The following STIL variants were observed in gnomAD, a reference collection of about 807,000 sequenced individuals.
The protein encoded by STIL is STIL centriolar assembly protein.
STIL carries 55 observed loss-of-function variants against 110.1 expected under a neutral mutation model. The observed-to-expected ratio is 0.50, with a 90% confidence interval of 0.40 to 0.63. The LOEUF is 0.63. Ranked by LOEUF, STIL falls within the 20% of genes least tolerant of loss-of-function variation. STIL has a pLI of 0.00. For missense variants in STIL, 1,358 were observed against 1,530.0 expected (o/e 0.89, Z 1.87); for synonymous variants, 481 against 530.0 (o/e 0.91, Z 1.27).
chr1:47,259,582 C>T (rs114334472), intron 16 of STIL, among the ~76,000 whole-genome samples: 1,695 of 152,238 alleles, frequency 0.011, 11 homozygotes, highest in Admixed American at 0.017. Flanking sequence ...AGCCACCGCG[C>T]CCGGCCTAAG....
rs902057233 is a variant in STIL, at chr1:47,269,038, C to A, written c.2615+597G>T. Among the ~76,000 whole-genome samples, 7 of 151,192 alleles carry A rather than the reference C, an allele frequency of 4.6e-5. No individual in the cohort carries two copies. The South Asian group carries it at 6.3e-4, about 14-fold the overall frequency. On this transcript the variant is annotated intron_variant, in intron 14 of 16. Transcript: ENST00000371877. ...CCCGGGAGGTGGAGATTGCAGTGAG[C>A]CGAGATTGCACCACTGCACTCCAGC... is the stretch of plus-strand genomic sequence containing the variant.
At position 47,280,422 on chromosome 1, in the gene STIL, T is replaced by C. The variant is rs1645123412; in HGVS notation, c.2036A>G (p.Asn679Ser). ...GDMGSCSPHS[N>S]IEPSPVARPP... ...TCTTGCCACAGGCGATGGTTCAATA[T>C]TGCTGTGGGGAGAACAACTGCCCAT... The change falls in exon 12 of 17, where the codon AAT becomes AGT. Residue 679 changes from asparagine (N) to serine (S), a missense_variant. Transcript: ENST00000371877. 17 of 1,614,208 alleles carry C rather than the reference T, an allele frequency of 1.1e-5. No individual in the cohort carries two copies. The highest frequency in any genetic ancestry group is 1.0e-5 in the Non-Finnish European group (12 of 1,180,034).
At chr1:47,257,969 A>C (rs1260741308) in intron 16 of STIL, among the ~76,000 whole-genome samples, 2 of 152,128 alleles carry the variant, frequency 1.3e-5, no homozygotes, top group Non-Finnish European at 2.9e-5. Context: ...AATAATACTT[A>C]CTCTTTCAGA....
At chr1:47,291,882 G>C (rs1570223203) in intron 8 of STIL, among the ~76,000 whole-genome samples, 1 of 151,694 alleles carries the variant, frequency 6.6e-6, no homozygotes, top group East Asian at 1.9e-4. Context: ...ATTTTTTTAA[G>C]ACAGGGTCTG....
intron 14 of STIL, among the ~76,000 whole-genome samples, chr1:47,269,394 C>T (rs991829103): frequency 6.6e-6 from 1 of 151,954 alleles, no homozygotes; most frequent in African/African-American, 2.4e-5. Context: ...AACAGAACAG[C>T]AACTGTAATG....
Position 47,314,085 on chromosome 1 carries a change from G to A in STIL, c.-93C>T, listed in dbSNP as rs1646220194. 6.6e-6 allele frequency: 1 copy of A among 152,244 alleles called. No individual in the cohort carries two copies. Among genetic ancestry groups the A allele is most frequent in the South Asian group, 2.1e-4 (1 of 4,838 alleles). The allele number at this position is 152,244 out of a possible 1,614,324, so 9.4% of individuals were successfully genotyped here. A position where few individuals can be genotyped will look rare whatever the true frequency, so the allele number is the denominator to read the frequency against. ...TGTTTGCAGGGTAGGAGCGGGAGCC[G>A]GCTCCAAGGAGCGCCACCGCCGACT... On this transcript the variant is annotated 5_prime_UTR_variant, in exon 1 of 17. Transcript: ENST00000371877.
intron 16 of STIL, among the ~76,000 whole-genome samples, chr1:47,256,991 A>G: frequency 6.6e-6 from 1 of 152,060 alleles, no homozygotes; most frequent in East Asian, 1.9e-4. Context: ...AGTACAAAAC[A>G]TCAATACACT....
At chr1:47,299,783 T>G (rs1645749595) in intron 6 of STIL, 122 bp downstream of exon 6, 2 of 1,060,124 alleles carry the variant, frequency 1.9e-6, no homozygotes, top group Non-Finnish European at 2.7e-6. Flanking sequence ...CTTTCCCTGG[T>G]TATTAACCAA....
Position 47,268,707 on chromosome 1 carries a change from A to C in STIL, c.2615+928T>G, listed in dbSNP as rs528849020. ...CAGGAGGCAGGGATTGCAGTGAGTC[A>C]AGATCGCACCATTGCACTCTAGACT... On this transcript the variant is annotated intron_variant, in intron 14 of 16. Transcript: ENST00000371877. Among the ~76,000 whole-genome samples, 9 of 152,018 alleles carry C rather than the reference A, an allele frequency of 5.9e-5. No homozygotes were observed. The South Asian group carries it at 1.9e-3, about 32-fold the overall frequency.
Position 47,287,574 on chromosome 1 carries a change from A to G in STIL, c.1110T>C (p.Ala370=). ...QNAETEFFSK[A]SKNFSIKRSS... ...ACCTCTTAATTGAAAAATTCTTGGA[A>G]GCCTTACTGAAAAACTCTGTTTCTG... is the stretch of plus-strand genomic sequence containing the variant. Residue 370 remains alanine (A), a synonymous_variant, in exon 10 of 17, where the codon GCT becomes GCC. Transcript: ENST00000371877. 6.2e-7 allele frequency: 1 copy of G among 1,611,512 alleles called. No individual in the cohort carries two copies. The highest frequency in any genetic ancestry group is 8.5e-7 in the Non-Finnish European group (1 of 1,178,862).
At chr1:47,266,589 T>C (rs895239320) in intron 14 of STIL, among the ~76,000 whole-genome samples, 1 of 152,222 alleles carries the variant, frequency 6.6e-6, no homozygotes, top group Non-Finnish European at 1.5e-5. Context: ...GTCTTGAATT[T>C]CAAATTAACC....
intron 7 of STIL, among the ~76,000 whole-genome samples, chr1:47,294,689 CAT>C (rs1645591752): frequency 6.6e-6 from 1 of 152,118 alleles, no homozygotes; most frequent in South Asian, 2.1e-4. Flanking sequence ...TGTCTCAAAA[CAT>C]GTATACATAT....
chr1:47,305,123 TTATATA>T (rs1217741724), intron 2 of STIL, 127 bp from the exon 3 acceptor site: 6 of 693,984 alleles, frequency 8.6e-6, no homozygotes, highest in East Asian at 2.8e-5. Context: ...TTCAAAGAGT[TTATATA>T]TATATATTTT....
At chr1:47,268,514 G>A (rs1281825343) in intron 14 of STIL, among the ~76,000 whole-genome samples, 1 of 152,118 alleles carries the variant, frequency 6.6e-6, no homozygotes, top group Non-Finnish European at 1.5e-5. Context: ...CAGCACTTTA[G>A]GAGGTCAAGG....
At chr1:47,265,067 C>G (rs1291207920) in intron 14 of STIL, among the ~76,000 whole-genome samples, 1 of 150,956 alleles carries the variant, frequency 6.6e-6, no homozygotes, top group African/African-American at 2.4e-5. Flanking sequence ...GAAACACCGT[C>G]TTCACTAAAA....
At chr1:47,273,407 T>C (rs1296938709) in intron 12 of STIL, among the ~76,000 whole-genome samples, 1 of 152,236 alleles carries the variant, frequency 6.6e-6, no homozygotes, top group African/African-American at 2.4e-5. Context: ...ATGATTTCTA[T>C]CTCTGAATTT....
At chr1:47,313,692 C>T (rs537185908) in intron 1 of STIL, among the ~76,000 whole-genome samples, 1 of 152,304 alleles carries the variant, frequency 6.6e-6, no homozygotes, top group East Asian at 1.9e-4. Context: ...CCATGAACTT[C>T]AAACATTAAC....
At chr1:47,299,809 G>T in intron 6 of STIL, 96 bp downstream of exon 6, 3 of 1,267,810 alleles carry the variant, frequency 2.4e-6, no homozygotes, top group African/African-American at 1.5e-5. Flanking sequence ...CATATCTCTG[G>T]CATATAAATT....
intron 16 of STIL, among the ~76,000 whole-genome samples, chr1:47,257,092 G>C (rs1029511420): frequency 1.3e-5 from 2 of 152,108 alleles, no homozygotes; most frequent in African/African-American, 2.4e-5. Context: ...TAAAAAAAAA[G>C]AGCACCTCAG....
Sources: gnomAD v4.1 joint callset for allele counts (sites outside exome capture counted in the v4.1 genomes callset) on GRCh38, gnomAD v4.1.1 for gene constraint, MANE v1.5 for transcripts, NCBI Gene and HGNC (gene_info 2026-07-23, HGNC 2026-07-21) for gene names.